Variants in CDH16 observed in about 807,000 individuals in gnomAD.
CDH16 encodes the protein cadherin-16.
In CDH16, 79 loss-of-function variants were observed where a neutral mutation model predicts 87.6. That is an observed-to-expected ratio of 0.90 (90% CI 0.75 to 1.09). The LOEUF (loss-of-function observed/expected upper bound fraction) is 1.09. Among genes scored for constraint, CDH16 ranks in the 50% least tolerant of loss-of-function variants. CDH16 has a pLI of 0.00. For missense variants in CDH16, 1,124 were observed against 1,071.7 expected (o/e 1.05, Z -0.68); for synonymous variants, 457 against 439.5 (o/e 1.04, Z -0.50).
rs1962293506 is a variant in CDH16 at position 66,909,197 on chromosome 16, T to G, written c.2392+70A>C. 1 of 973,890 alleles carries G rather than the reference T, an allele frequency of 1.0e-6. No homozygotes were observed. 60.3% of individuals were successfully genotyped at this position (973,890 alleles called of 1,614,324 possible). On this transcript the variant is annotated intron_variant, in intron 17 of 17. Transcript: ENST00000299752. The surrounding 1 kb of genome is among the most constrained non-coding windows in gnomAD (Gnocchi z 4.1). ...TAGGGGCACCATGGGGACAAAGGTG[T>G]TTATTTGGAGGCTGTGGTCCCAACC...
chr16:66,913,423 C>T, intron 8 of CDH16, 68 bp downstream of exon 8: 4 of 1,606,326 alleles, frequency 2.5e-6, no homozygotes, highest in Non-Finnish European at 2.6e-6. Context: ...GTTGTGACAC[C>T]CCCAAAAGCC....
rs1181266027 is a variant in CDH16, at chr16:66,913,138, A to C, written c.1047T>G (p.Ser349Arg). 4.4e-6 allele frequency: 7 copies of C among 1,607,804 alleles called. No individual in the cohort carries two copies. Among genetic ancestry groups the C allele is most frequent in the Non-Finnish European group, 5.9e-6 (7 of 1,177,266 alleles). Reference sequence around the variant, plus strand: ...TCCCATCCTGTAGCTCACCTGGTGGACTGAGCTCAGGGATGCTGACTGTGG... The same window carrying C: ...TCCCATCCTGTAGCTCACCTGGTGGCCTGAGCTCAGGGATGCTGACTGTGG... ...RDPTVSIPELSPPGTEVTRLS... is the reference protein window; with the variant it reads ...RDPTVSIPELRPPGTEVTRLS... The change falls in exon 9 of 18, where the codon AGT (serine) becomes AGG (arginine). Residue 349 changes from serine to arginine, a missense_variant. By Grantham distance (110) the Ser-to-Arg change is moderately radical. Transcript: ENST00000299752.
At chr16:66,910,956 G>T in intron 14 of CDH16, 1 of 504,114 alleles carries the variant, frequency 2.0e-6, no homozygotes, top group Non-Finnish European at 3.5e-6. Context: ...GATTTTGTGT[G>T]TCAATCTAGG....
chr16:66,912,352 C>CG lies in CDH16; in HGVS notation c.1437dup (p.Glu480ArgfsTer12), dbSNP rs750205973. Reference sequence around the variant, plus strand: ...AAATCCATGAGGCGGAAGGCGGGCTCGAGGTCAGCATCAATGGCTGTTAGC... The same window carrying CG: ...AAATCCATGAGGCGGAAGGCGGGCTCGGAGGTCAGCATCAATGGCTGTTAGC... On this transcript the variant is annotated frameshift_variant, in exon 12 of 18. Transcript: ENST00000299752. LOFTEE classifies it high-confidence loss of function. 1.9e-6 allele frequency: 3 copies of CG among 1,614,000 alleles called. No individual in the cohort carries two copies. Among genetic ancestry groups the CG allele is most frequent in the Admixed American group, 3.3e-5 (2 of 59,998 alleles).
At chr16:66,910,632 C>G in intron 14 of CDH16, 130 bp from the exon 15 acceptor site, 1 of 984,362 alleles carries the variant, frequency 1.0e-6, no homozygotes. Flanking sequence ...CTCCATGCTT[C>G]TCTCCACCTG....
At position 66,915,387 on chromosome 16, in the gene CDH16, C is replaced by T. The variant is rs185020286; in HGVS notation, c.425-9G>A. 130 of 1,612,832 alleles carry T rather than the reference C, an allele frequency of 8.1e-5. No individual in the cohort carries two copies. The African/African-American group carries it at 1.2e-3, about 15-fold the overall frequency. ...GAAGAGGAAGGGGATGCCTGGTTCA[C>T]GGTGGGAGGGCAAACTGTAAGGGAT... is the stretch of plus-strand genomic sequence containing the variant. On this transcript the variant is annotated splice_polypyrimidine_tract_variant and intron_variant, in intron 5 of 17. Coordinates refer to ENST00000299752, the MANE Select transcript of CDH16 (RefSeq NM_004062.4).
intron 10 of CDH16, 36 bp downstream of exon 10, chr16:66,912,628 G>A: frequency 1.9e-6 from 3 of 1,613,974 alleles, no homozygotes; most frequent in Non-Finnish European, 2.5e-6. Context: ...GGAACAGAGG[G>A]GACAGGGGGC....
chr16:66,910,490 A>G lies in CDH16; in HGVS notation c.1937T>C (p.Leu646Pro). 1 of 1,523,870 alleles carries G rather than the reference A, an allele frequency of 6.6e-7. No individual in the cohort carries two copies. Among genetic ancestry groups the G allele is most frequent in the Non-Finnish European group, 8.8e-7 (1 of 1,131,554 alleles). 94.4% of individuals were successfully genotyped at this position (1,523,870 alleles called of 1,614,324 possible). A position where few individuals can be genotyped will look rare whatever the true frequency, so the allele number is the denominator to read the frequency against. ...GATCACCAGGGGTGCAGAAGCGCTC[A>G]GTCTCGGCTCATCTGCAGAGGAGGC... Reference protein sequence around the residue: ...VEAQDTDEPRLSASAPLVIHF... With the variant: ...VEAQDTDEPRPSASAPLVIHF... Residue 646 changes from leucine (L) to proline (P), a missense_variant, in exon 15 of 18, where the codon CTG (leucine) becomes CCG (proline). Leu to Pro is a moderately conservative substitution (Grantham distance 98). Coordinates refer to ENST00000299752, the MANE Select transcript of CDH16 (RefSeq NM_004062.4).
intron 14 of CDH16, 55 bp downstream of exon 14, chr16:66,911,127 G>A (rs928759026): frequency 1.7e-5 from 27 of 1,546,570 alleles, no homozygotes; most frequent in Non-Finnish European, 2.3e-5. Context: ...CCTGCTGTCT[G>A]TCTGTCTGAG....
intron 13 of CDH16, 123 bp downstream of exon 13, chr16:66,911,776 A>G: frequency 3.2e-6 from 4 of 1,246,664 alleles, no homozygotes; most frequent in Non-Finnish European, 4.4e-6. Context: ...CAACCTTGGC[A>G]TTTGCCATAG....
At chr16:66,912,191 G>A in intron 12 of CDH16, 51 bp from the exon 13 acceptor site, 1 of 1,601,108 alleles carries the variant, frequency 6.2e-7, no homozygotes, top group Non-Finnish European at 8.5e-7. Context: ...AGGCACATGT[G>A]CATGCATGCG....
In CDH16 at chr16:66,911,963, T is replaced by C. The variant is rs149423321; in HGVS notation, c.1726A>G (p.Ser576Gly). Residue 576 changes from serine to glycine, a missense_variant, in exon 13 of 18, where the codon AGT (serine) becomes GGT (glycine). Coordinates refer to ENST00000299752, the MANE Select transcript of CDH16 (RefSeq NM_004062.4). ...AGCAGGAAAGAGCCGGCTGGGGCAC[T>C]GATGGGGACACTGGCCTCGTAGCTC... ...QESYEASVPISAPAGSFLLTI... is the reference protein window; with the variant it reads ...QESYEASVPIGAPAGSFLLTI... 689 of 1,613,866 alleles carry C rather than the reference T, an allele frequency of 4.3e-4. 4 individuals are homozygous for C. The African/African-American group carries it at 8.3e-3, about 19-fold the overall frequency.
In CDH16 at chr16:66,913,258, C is replaced by G. The variant is rs111577617; in HGVS notation, c.927G>C (p.Gln309His). 2.6e-6 allele frequency: 4 copies of G among 1,558,722 alleles called. No individual in the cohort carries two copies. The highest frequency in any genetic ancestry group is 1.7e-4 in the Middle Eastern group (1 of 5,754). ...QAEYLLQVRAQNSHGEDYAAP... is the reference protein window; with the variant it reads ...QAEYLLQVRAHNSHGEDYAAP... ...CCGCATAGTCCTCGCCATGGGAATT[C>G]TGAGCCCGCACCTGGAGCAGGTACT... Residue 309 changes from glutamine to histidine, a missense_variant, in exon 9 of 18, where the codon CAG (glutamine) becomes CAC (histidine). Coordinates refer to ENST00000299752, the MANE Select transcript of CDH16 (RefSeq NM_004062.4).
Position 66,913,497 on chromosome 16 carries a change from C to A in CDH16, c.897G>T (p.Gln299His), listed in dbSNP as rs1962528738. The change falls in exon 8 of 18, where the codon CAG becomes CAT. Residue 299 changes from glutamine (Q) to histidine (H), a missense_variant. By Grantham distance (24) the Gln-to-His change is conservative. Coordinates refer to ENST00000299752, the MANE Select transcript of CDH16 (RefSeq NM_004062.4). ...GGCTCCCCCTTCATATCACCTCAGC[C>A]TGGGCTTCTCTGTCCAGCTCTCTGG... ...YVTRELDREA[Q>H]AEYLLQVRAQ... The A allele has an allele frequency of 6.2e-7, 1 of 1,614,050 alleles. No homozygotes were observed. Among genetic ancestry groups the A allele is most frequent in the African/African-American group, 1.3e-5 (1 of 74,934 alleles).
In CDH16 at chr16:66,916,511, A is replaced by T. The variant is rs1214126620; in HGVS notation, c.130-82T>A. The T allele has an allele frequency of 6.9e-7, 1 of 1,442,060 alleles. No individual in the cohort carries two copies. The highest frequency in any genetic ancestry group is 9.2e-7 in the Non-Finnish European group (1 of 1,084,378). 89.3% of individuals were successfully genotyped at this position (1,442,060 alleles called of 1,614,324 possible). A position where few individuals can be genotyped will look rare whatever the true frequency, so the allele number is the denominator to read the frequency against. On this transcript the variant is annotated intron_variant, in intron 3 of 17. Transcript: ENST00000299752. The surrounding 1 kb of genome is among the most constrained non-coding windows in gnomAD (Gnocchi z 4.1). The stretch of plus-strand genomic sequence containing the variant: ...CCTCCACCTGATGGCCTCATTTTAC[A>T]TGTGGGGAAACTGAGTCTCAGAGAC...
At position 66,908,521 on chromosome 16, in the gene CDH16, C is replaced by G. The variant is rs767014961; in HGVS notation, c.2393-32G>C. 4 of 1,539,584 alleles carry G rather than the reference C, an allele frequency of 2.6e-6. No homozygotes were observed. The African/African-American group carries it at 5.5e-5, about 21-fold the overall frequency. ...GGCCCAAGAGGGATGTATCAGGCCT[C>G]AGAAGGGGCTGTGGGACTTGTTCAT... is the stretch of plus-strand genomic sequence containing the variant. On this transcript the variant is annotated intron_variant, in intron 17 of 17. Transcript: ENST00000299752.
At chr16:66,911,853 A>G (rs1193349811) in intron 13 of CDH16, 46 bp downstream of exon 13, 2 of 1,538,140 alleles carry the variant, frequency 1.3e-6, no homozygotes. Context: ...ATCCCCAGGG[A>G]GCAGGGGCAA....
In CDH16 at chr16:66,910,257, CA is replaced by C; in HGVS notation, c.2167+2del. 1 of 1,589,548 alleles carries C rather than the reference CA, an allele frequency of 6.3e-7. No individual in the cohort carries two copies. Among genetic ancestry groups the C allele is most frequent in the Non-Finnish European group, 8.6e-7 (1 of 1,166,236 alleles). ...AGCCTCCCTCCCTTTCCCCACCACA[CA>C]CCATTGAGAGTCTGGAGGCGCCAAT... On this transcript the variant is annotated splice_donor_variant, in intron 15 of 17. Coordinates refer to ENST00000299752, the MANE Select transcript of CDH16 (RefSeq NM_004062.4). LOFTEE classifies it high-confidence loss of function.
chr16:66,916,430 C>A lies in CDH16; in HGVS notation c.130-1G>T. 6.3e-7 allele frequency: 1 copy of A among 1,595,306 alleles called. No individual in the cohort carries two copies. The highest frequency in any genetic ancestry group is 8.6e-7 in the Non-Finnish European group (1 of 1,168,948). The stretch of plus-strand genomic sequence containing the variant: ...CAGCCCCCTCACGGGGCAGCGGCAA[C>A]TGATGGAAATGAACAGAAGTGAAGG... On this transcript the variant is annotated splice_acceptor_variant, in intron 3 of 17. Transcript: ENST00000299752. LOFTEE classifies it high-confidence loss of function. The surrounding 1 kb of genome is among the most constrained non-coding windows in gnomAD (Gnocchi z 4.1).
Sources: gnomAD v4.1 joint callset for allele counts on GRCh38, gnomAD v4.1.1 for gene constraint, Gnocchi (gnomAD v3.1) non-coding constraint, MANE v1.5 for transcripts, NCBI Gene and HGNC (gene_info 2026-07-23, HGNC 2026-07-21) for gene names.